EYS: variants seen among roughly 807,000 people sequenced by gnomAD.
The protein encoded by EYS is protein eyes shut homolog.
Under a neutral mutation model 282.1 loss-of-function variants are expected in EYS, and 250 were observed. The ratio of observed to expected loss-of-function variants is 0.89; its 90% CI spans 0.80 to 0.98. The LOEUF (loss-of-function observed/expected upper bound fraction) is 0.98. Among genes scored for constraint, EYS ranks in the 50% least tolerant of loss-of-function variants. EYS has a pLI of 0.00. For missense variants in EYS, 4,016 were observed against 3,709.0 expected (o/e 1.08, Z -2.15); for synonymous variants, 1,355 against 1,282.9 (o/e 1.06, Z -1.20).
chr6:63,936,148 TG>T lies in EYS; in HGVS notation c.7055+48234del, dbSNP rs1765050290. Among the ~76,000 whole-genome samples the T allele has an allele frequency of 2.6e-5, 4 of 152,218 alleles. No individual in the cohort carries two copies. The South Asian group carries it at 8.3e-4, about 32-fold the overall frequency. On this transcript the variant is annotated intron_variant, in intron 35 of 42. Transcript: ENST00000503581. The stretch of plus-strand genomic sequence containing the variant: ...CAGGAATCTGCTTAGCTCTCCAGGA[TG>T]GGGGTCTCACATTATTCACCATAGC...
chr6:64,318,038 G>T (rs1770046750), intron 29 of EYS, among the ~76,000 whole-genome samples: 1 of 152,030 alleles, frequency 6.6e-6, no homozygotes, highest in South Asian at 2.1e-4. Flanking sequence ...GGGGGTGGGG[G>T]CCTCGGGGAG....
intron 2 of EYS, among the ~76,000 whole-genome samples, chr6:65,558,890 AG>A (rs1384585229): frequency 1.3e-5 from 2 of 152,146 alleles, no homozygotes; most frequent in Non-Finnish European, 1.5e-5. Flanking sequence ...ACCATATCCT[AG>A]TTTCCTTAAT....
At chr6:63,934,905 AAT>A (rs201930191) in intron 35 of EYS, among the ~76,000 whole-genome samples, 64 of 151,952 alleles carry the variant, frequency 4.2e-4, no homozygotes, top group African/African-American at 1.5e-3. Flanking sequence ...ATAATAAAAA[AAT>A]AAAAATAACA....
intron 12 of EYS, among the ~76,000 whole-genome samples, chr6:65,282,584 T>G (rs1768254352): frequency 6.6e-6 from 1 of 151,960 alleles, no homozygotes; most frequent in Non-Finnish European, 1.5e-5. Context: ...AACAGAAAAC[T>G]TTAACTTGGA....
chr6:64,667,373 G>C (rs1046844292), intron 22 of EYS, among the ~76,000 whole-genome samples: 4 of 151,890 alleles, frequency 2.6e-5, no homozygotes, highest in Non-Finnish European at 1.5e-5. Context: ...TGGGTGGAGA[G>C]AGCAGATGCC....
intron 30 of EYS, among the ~76,000 whole-genome samples, chr6:64,294,777 A>C (rs933722836): frequency 6.6e-6 from 1 of 152,246 alleles, no homozygotes; most frequent in African/African-American, 2.4e-5. Context: ...TAAGAGTATT[A>C]TCACTTTAAT....
chr6:64,919,862 A>T (rs539447395), intron 15 of EYS, among the ~76,000 whole-genome samples: 58 of 152,152 alleles, frequency 3.8e-4, no homozygotes, highest in Non-Finnish European at 6.3e-4. Flanking sequence ...TCCTCGTTTC[A>T]TAGAAGAAAG....
chr6:64,792,269 T>C (rs1180248983), intron 22 of EYS, among the ~76,000 whole-genome samples: 1 of 151,964 alleles, frequency 6.6e-6, no homozygotes, highest in Admixed American at 6.6e-5. Context: ...AGCAATATGA[T>C]GGTAAGAAGA....
chr6:64,506,684 A>C (rs1023306029), intron 26 of EYS, among the ~76,000 whole-genome samples: 3 of 152,036 alleles, frequency 2.0e-5, no homozygotes, highest in African/African-American at 7.3e-5. Context: ...AGGCCGAGGC[A>C]GGCGTATCAC....
intron 7 of EYS, among the ~76,000 whole-genome samples, chr6:65,386,941 T>G (rs1021566155): frequency 9.3e-5 from 14 of 151,122 alleles, no homozygotes; most frequent in Non-Finnish European, 2.1e-4. Flanking sequence ...AGTGGTAAAA[T>G]GGGAAATGAT....
chr6:65,529,981 G>T lies in EYS; in HGVS notation c.-332-33988C>A, dbSNP rs116092968. ...CAATTTATGGTACTTAGTTATATCA[G>T]CTCAAAATGATGAAGAAAATATTAT... On this transcript the variant is annotated intron_variant, in intron 2 of 42. Transcript: ENST00000503581. Among the ~76,000 whole-genome samples the T allele has an allele frequency of 7.7e-3, 1,175 of 152,188 alleles. 19 individuals are homozygous for T. The highest frequency in any genetic ancestry group is 0.025 in the African/African-American group (1,053 of 41,524).
intron 29 of EYS, among the ~76,000 whole-genome samples, chr6:64,320,873 A>C (rs1770192875): frequency 6.6e-6 from 1 of 151,844 alleles, no homozygotes; most frequent in Non-Finnish European, 1.5e-5. Context: ...GAAAACCTAT[A>C]TGCTTTTTAA....
chr6:64,414,512 C>A (rs1774004053), intron 28 of EYS, among the ~76,000 whole-genome samples: 1 of 151,972 alleles, frequency 6.6e-6, no homozygotes, highest in South Asian at 2.1e-4. Flanking sequence ...ATTCAATAAC[C>A]ATTTGGCCAA....
chr6:64,538,940 C>G (rs1452988057), intron 26 of EYS, among the ~76,000 whole-genome samples: 1 of 152,180 alleles, frequency 6.6e-6, no homozygotes, highest in African/African-American at 2.4e-5. Flanking sequence ...TTATGATGCT[C>G]ATCCCCGCTG....
chr6:63,809,750 A>G (rs1770993077), intron 36 of EYS, among the ~76,000 whole-genome samples: 1 of 152,196 alleles, frequency 6.6e-6, no homozygotes, highest in South Asian at 2.1e-4. Context: ...CTTTTATATT[A>G]TAGTGCTATA....
intron 9 of EYS, among the ~76,000 whole-genome samples, chr6:65,346,221 T>TTCTTA (rs1403369329): frequency 1.3e-5 from 2 of 151,776 alleles, no homozygotes; most frequent in African/African-American, 4.8e-5. Flanking sequence ...CCAGTCAGCC[T>TTCTTA]TCTTAGTTCC....
intron 16 of EYS, 83 bp from the exon 17 acceptor site, chr6:64,902,583 A>G (rs1562251064): frequency 5.3e-6 from 4 of 750,568 alleles, no homozygotes; most frequent in Non-Finnish European, 8.3e-6. Flanking sequence ...TCTAAAGAAT[A>G]CACTCATAAT....
intron 26 of EYS, among the ~76,000 whole-genome samples, chr6:64,522,025 A>C (rs781355644): frequency 7.9e-5 from 12 of 151,824 alleles, no homozygotes; most frequent in Non-Finnish European, 1.2e-4. Flanking sequence ...ATATGTGGAC[A>C]GTAAGCAGTC....
At chr6:65,071,988 C>A (rs1031949755) in intron 12 of EYS, among the ~76,000 whole-genome samples, 3 of 151,744 alleles carry the variant, frequency 2.0e-5, no homozygotes, top group African/African-American at 7.2e-5. Context: ...TTCCAGCCTC[C>A]AGACTATAAG....
Sources: gnomAD v4.1 joint callset for allele counts (sites outside exome capture counted in the v4.1 genomes callset) on GRCh38, gnomAD v4.1.1 for gene constraint, MANE v1.5 for transcripts, NCBI Gene and HGNC (gene_info 2026-07-23, HGNC 2026-07-21) for gene names.